APBB2: variants seen among roughly 807,000 people sequenced by gnomAD.
The protein encoded by APBB2 is amyloid beta precursor protein binding family B member 2.
In APBB2, 38 loss-of-function variants were observed where a neutral mutation model predicts 82.5. The ratio of observed to expected loss-of-function variants is 0.46; its 90% CI spans 0.36 to 0.60. The LOEUF (loss-of-function observed/expected upper bound fraction) is 0.60, where lower values mean the gene tolerates loss of function less well. Ranked by LOEUF, APBB2 falls within the 20% of genes least tolerant of loss-of-function variation. APBB2 has a pLI of 0.00. For missense variants in APBB2, 772 were observed against 972.3 expected (o/e 0.79, Z 2.74); for synonymous variants, 341 against 368.2 (o/e 0.93, Z 0.85).
chr4:41,169,895 C>T (rs1767792631), intron 1 of APBB2, among the ~76,000 whole-genome samples: 2 of 151,382 alleles, frequency 1.3e-5, no homozygotes. Context: ...GAAACAGGAA[C>T]AGTTAGGAAA....
At chr4:40,844,401 T>C (rs1421573541) in intron 12 of APBB2, among the ~76,000 whole-genome samples, 1 of 152,212 alleles carries the variant, frequency 6.6e-6, no homozygotes, top group Non-Finnish European at 1.5e-5. Flanking sequence ...GTGCTGGGCA[T>C]GTAACAAAGC....
chr4:40,973,392 C>G (rs1423163142), intron 6 of APBB2, among the ~76,000 whole-genome samples: 1 of 152,158 alleles, frequency 6.6e-6, no homozygotes, highest in African/African-American at 2.4e-5. Flanking sequence ...GCCCTTCAGG[C>G]CTGGACGTGC....
At chr4:40,991,845 C>G (rs768458247) in intron 6 of APBB2, among the ~76,000 whole-genome samples, 7 of 152,126 alleles carry the variant, frequency 4.6e-5, no homozygotes, top group Admixed American at 1.3e-4. Flanking sequence ...CGTCTCATCC[C>G]TTCAGAAGGT....
chr4:40,937,558 T>C (rs1785689780), intron 7 of APBB2, among the ~76,000 whole-genome samples: 1 of 152,168 alleles, frequency 6.6e-6, no homozygotes, highest in Admixed American at 6.5e-5. Flanking sequence ...CTCTGTATAG[T>C]GATTTTACAA....
chr4:41,040,712 TCAC>T, intron 4 of APBB2, among the ~76,000 whole-genome samples: 1 of 152,098 alleles, frequency 6.6e-6, no homozygotes, highest in East Asian at 1.9e-4. Flanking sequence ...AAGACAATTC[TCAC>T]CACATTACTA....
chr4:41,031,394 G>GA (rs1334556799), intron 5 of APBB2, among the ~76,000 whole-genome samples: 2 of 151,990 alleles, frequency 1.3e-5, no homozygotes, highest in African/African-American at 4.8e-5. Flanking sequence ...ATTTTCAAGT[G>GA]AAAAAAATGG....
At chr4:41,033,371 T>A in intron 4 of APBB2, 67 bp from the exon 5 acceptor site, 4 of 1,102,436 alleles carry the variant, frequency 3.6e-6, no homozygotes, top group Non-Finnish European at 3.8e-6. Flanking sequence ...AAGAAAAGCA[T>A]AGCAGTGAAA....
chr4:41,024,262 C>T (rs1446442082), intron 5 of APBB2, among the ~76,000 whole-genome samples: 1 of 152,112 alleles, frequency 6.6e-6, no homozygotes, highest in African/African-American at 2.4e-5. Context: ...CCATCCTGGA[C>T]AAAGGAATGG....
chr4:41,128,505 G>A (rs978598777), intron 2 of APBB2, among the ~76,000 whole-genome samples: 1 of 152,190 alleles, frequency 6.6e-6, no homozygotes, highest in Non-Finnish European at 1.5e-5. Flanking sequence ...CCAAAGCCCT[G>A]TAAAAGAATA....
chr4:40,886,116 C>CCCAG (rs1218410709), intron 12 of APBB2, among the ~76,000 whole-genome samples: 1 of 152,192 alleles, frequency 6.6e-6, no homozygotes, highest in Non-Finnish European at 1.5e-5. Flanking sequence ...TGTGCCCCTA[C>CCCAG]CCAGAAGATA....
intron 4 of APBB2, among the ~76,000 whole-genome samples, chr4:41,050,598 T>C (rs1725587116): frequency 6.6e-6 from 1 of 152,140 alleles, no homozygotes; most frequent in Non-Finnish European, 1.5e-5. Context: ...TACCTTTCCC[T>C]GGAAAATCAA....
chr4:41,155,143 T>C (rs1763145741), intron 1 of APBB2, among the ~76,000 whole-genome samples: 1 of 152,266 alleles, frequency 6.6e-6, no homozygotes. Flanking sequence ...CTTGAGGATA[T>C]CCACAGTGTA....
chr4:41,147,298 A>G (rs1318631178), intron 1 of APBB2, among the ~76,000 whole-genome samples: 1 of 152,140 alleles, frequency 6.6e-6, no homozygotes, highest in African/African-American at 2.4e-5. Flanking sequence ...GAAGTCACCA[A>G]GTTATTTTTC....
At chr4:40,912,398 G>A (rs1778800830) in intron 10 of APBB2, among the ~76,000 whole-genome samples, 1 of 152,184 alleles carries the variant, frequency 6.6e-6, no homozygotes, top group African/African-American at 2.4e-5. Context: ...CCAACATGGT[G>A]TAACTCCGTC....
At chr4:41,010,181 G>A (rs1454031989) in intron 6 of APBB2, among the ~76,000 whole-genome samples, 2 of 152,168 alleles carry the variant, frequency 1.3e-5, no homozygotes, top group African/African-American at 4.8e-5. Flanking sequence ...GAGATCCCAA[G>A]TGAACATTTT....
chr4:41,141,582 A>G (rs1759218390), intron 2 of APBB2, among the ~76,000 whole-genome samples: 1 of 152,202 alleles, frequency 6.6e-6, no homozygotes, highest in Non-Finnish European at 1.5e-5. Flanking sequence ...TAAGAATACT[A>G]TGGCCCCTCC....
At chr4:40,857,056 G>A (rs1195117628) in intron 12 of APBB2, 4 of 985,462 alleles carry the variant, frequency 4.1e-6, no homozygotes, top group Non-Finnish European at 4.8e-6. Context: ...GAAGTCGGGC[G>A]GGGATGCCGC....
chr4:41,015,257 T>C (rs1809567741), intron 5 of APBB2, among the ~76,000 whole-genome samples: 1 of 152,234 alleles, frequency 6.6e-6, no homozygotes, highest in Non-Finnish European at 1.5e-5. Context: ...TTATTCTATA[T>C]GTCTCTCGCT....
chr4:40,829,366 C>T (rs778414914), intron 13 of APBB2, among the ~76,000 whole-genome samples: 6 of 152,136 alleles, frequency 3.9e-5, no homozygotes, highest in Middle Eastern at 6.8e-3. Flanking sequence ...GCTGCAGAGA[C>T]GGGGGTGGTG....
Sources: allele counts gnomAD v4.1 joint callset (sites outside exome capture counted in the v4.1 genomes callset), GRCh38; gene constraint gnomAD v4.1.1; transcripts MANE v1.5; gene names NCBI Gene and HGNC (gene_info 2026-07-23, HGNC 2026-07-21).